Variants in TBC1D10B observed in about 807,000 individuals in gnomAD.
TBC1D10B encodes TBC1 domain family member 10B, also known as Rab27A-GAPbeta.
TBC1D10B carries 25 observed loss-of-function variants against 78.4 expected under a neutral mutation model. The ratio of observed to expected loss-of-function variants is 0.32; its 90% CI spans 0.23 to 0.45. The LOEUF is 0.45. Ranked by LOEUF, TBC1D10B falls within the 20% of genes least tolerant of loss-of-function variation. TBC1D10B has a pLI of 1.00. For missense variants in TBC1D10B, 996 were observed against 1,104.8 expected (o/e 0.90, Z 1.40); for synonymous variants, 517 against 478.0 (o/e 1.08, Z -1.06).
chr16:30,365,508 C>T lies in TBC1D10B; in HGVS notation c.1043G>A (p.Arg348Gln), dbSNP rs753321016. The T allele has an allele frequency of 4.3e-6, 7 of 1,614,022 alleles. No homozygotes were observed. In the Admixed American group the frequency reaches 6.7e-5, roughly 15 times the overall value. ...MFSNWDKWLS[R>Q]RFQKVKLRCR... ...CAGCCCTCAAACCTTCTGGAATCGC[C>T]GTGACAGCCACTTATCCCAGTTACT... The change falls in exon 2 of 9, where the codon CGG becomes CAG. Residue 348 changes from arginine to glutamine, a missense_variant. Physicochemically the swap from Arg to Gln is conservative, Grantham distance 43. This residue lies in a region of TBC1D10B where 93 missense variants were observed against 152.7 expected (regional missense o/e 0.61). Transcript: ENST00000409939. This position sits in a 1 kb window ranked among gnomAD's most constrained non-coding sequence, Gnocchi z 5.0.
At chr16:30,360,638 C>T (rs921122608) in intron 4 of TBC1D10B, among the ~76,000 whole-genome samples, 2 of 152,196 alleles carry the variant, frequency 1.3e-5, no homozygotes, top group East Asian at 3.8e-4. Flanking sequence ...CTGCATACCA[C>T]CCTACTATTT....
intron 7 of TBC1D10B, 49 bp downstream of exon 7, chr16:30,359,123 C>T: frequency 6.4e-7 from 1 of 1,550,744 alleles, no homozygotes; most frequent in Non-Finnish European, 8.7e-7. Flanking sequence ...CCCCTGGTAG[C>T]CACCACAGAA....
At chr16:30,360,133 C>A in intron 4 of TBC1D10B, 1 of 360,456 alleles carries the variant, frequency 2.8e-6, no homozygotes, top group Non-Finnish European at 5.2e-6. Context: ...CTCCAGGAAG[C>A]TTTCCACAGC....
chr16:30,358,940 C>A, intron 7 of TBC1D10B, 123 bp from the exon 8 acceptor site: 2 of 1,334,152 alleles, frequency 1.5e-6, no homozygotes, highest in East Asian at 2.5e-5. Flanking sequence ...GAAACTGAGG[C>A]CCTGTGAAAG....
chr16:30,357,972 G>A lies in TBC1D10B; in HGVS notation c.2399C>T (p.Ala800Val). The A allele has an allele frequency of 6.4e-7, 1 of 1,551,502 alleles. No homozygotes were observed. The highest frequency in any genetic ancestry group is 8.7e-7 in the Non-Finnish European group (1 of 1,146,922). ...GPHDGGDRPS[A>V]EARQDAYF The stretch of plus-strand genomic sequence containing the variant: ...GAAGTAAGCGTCCTGCCGGGCCTCG[G>A]CTGAGGGCCTGTCCCCACCATCATG... Residue 800 changes from alanine (A) to valine (V), a missense_variant, in exon 9 of 9, where the codon GCC becomes GTC. Physicochemically the swap from Ala to Val is moderately conservative, Grantham distance 64. This residue lies in a region of TBC1D10B where 285 missense variants were observed against 252.5 expected (regional missense o/e 1.13). Transcript: ENST00000409939.
rs549787129 is a variant in TBC1D10B, at chr16:30,359,847, G to A, written c.1272-6C>T. 17 of 1,555,922 alleles carry A rather than the reference G, an allele frequency of 1.1e-5. No individual in the cohort carries two copies. In the East Asian group the frequency reaches 2.2e-4, roughly 20 times the overall value. On this transcript the variant is annotated splice_region_variant and splice_polypyrimidine_tract_variant and intron_variant, in intron 4 of 8. Transcript: ENST00000409939. The stretch of plus-strand genomic sequence containing the variant: ...TTCGGTACAGGTCCTGTTGCCTGTG[G>A]GGGTTGGGGAAGACTGTGAGGGCAG...
Position 30,365,818 on chromosome 16 carries a change from C to T in TBC1D10B, c.957-224G>A. Reference sequence around the variant, plus strand: ...CAGAGGTCATATTTAAATCTCACTTCTGACACATCCAAATCTGGGGAGAGA... The same window carrying T: ...CAGAGGTCATATTTAAATCTCACTTTTGACACATCCAAATCTGGGGAGAGA... On this transcript the variant is annotated intron_variant, in intron 1 of 8. Transcript: ENST00000409939. This position sits in a 1 kb window ranked among gnomAD's most constrained non-coding sequence, Gnocchi z 5.0. 1 of 529,394 alleles carries T rather than the reference C, an allele frequency of 1.9e-6. No homozygotes were observed. The highest frequency in any genetic ancestry group is 2.2e-5 in the South Asian group (1 of 46,288). The allele number at this position is 529,394 out of a possible 1,614,324, so 32.8% of individuals were successfully genotyped here.
chr16:30,364,606 A>G (rs1436016801), intron 4 of TBC1D10B, among the ~76,000 whole-genome samples: 1 of 151,796 alleles, frequency 6.6e-6, no homozygotes, highest in East Asian at 1.9e-4. Flanking sequence ...CTTTTCCATA[A>G]CCCCCAGGCA....
chr16:30,362,257 T>G (rs2049604638), intron 4 of TBC1D10B, among the ~76,000 whole-genome samples: 2 of 152,172 alleles, frequency 1.3e-5, no homozygotes, highest in South Asian at 4.1e-4. Context: ...AGTGCTGGGA[T>G]TACAGGTGTG....
chr16:30,365,772 C>T lies in TBC1D10B; in HGVS notation c.957-178G>A. On this transcript the variant is annotated intron_variant, in intron 1 of 8. Transcript: ENST00000409939. This position sits in a 1 kb window ranked among gnomAD's most constrained non-coding sequence, Gnocchi z 5.0. ...TCCCAAGGCACACTGAAAGGGCTTCCTTCCCTGATGGATCTCTATTCAGAG... is the reference window on the plus strand; with the variant it reads ...TCCCAAGGCACACTGAAAGGGCTTCTTTCCCTGATGGATCTCTATTCAGAG... 1 of 600,504 alleles carries T rather than the reference C, an allele frequency of 1.7e-6. No individual in the cohort carries two copies. Among genetic ancestry groups the T allele is most frequent in the Non-Finnish European group, 3.0e-6 (1 of 334,392 alleles). 37.2% of individuals were successfully genotyped at this position (600,504 alleles called of 1,614,324 possible). A position where few individuals can be genotyped will look rare whatever the true frequency, so the allele number is the denominator to read the frequency against.
At position 30,357,760 on chromosome 16, in the gene TBC1D10B, C is replaced by G. The variant is rs1596982431; in HGVS notation, c.*184G>C. 2 of 805,710 alleles carry G rather than the reference C, an allele frequency of 2.5e-6. No homozygotes were observed. Among genetic ancestry groups the G allele is most frequent in the East Asian group, 5.4e-5 (2 of 37,216 alleles). 49.9% of individuals were successfully genotyped at this position (805,710 alleles called of 1,614,324 possible). ...CATGGGAGATGAGAGGCTCCAGACT[C>G]ATTTGCAGCTGCCCATCTGTCCTGC... On this transcript the variant is annotated 3_prime_UTR_variant, in exon 9 of 9. Transcript: ENST00000409939.
rs781225462 is a variant in TBC1D10B at position 30,358,167 on chromosome 16, C to T, written c.2204G>A (p.Arg735Gln). 3.1e-5 allele frequency: 48 copies of T among 1,551,730 alleles called. No individual in the cohort carries two copies. Among genetic ancestry groups the T allele is most frequent in the East Asian group, 4.9e-5 (2 of 40,932 alleles). Residue 735 changes from arginine (R) to glutamine (Q), a missense_variant, in exon 9 of 9, where the codon CGG becomes CAG. Transcript: ENST00000409939. ...CTCCCGCTCCTTCTCCTGTTTCTGC[C>T]GCTCCTTCTCCTGTTTCTGCCGCTC... ...EKERQKQEKE[R>Q]QKQEKEREKE...
intron 4 of TBC1D10B, among the ~76,000 whole-genome samples, chr16:30,364,370 G>A (rs926547096): frequency 3.9e-5 from 6 of 151,986 alleles, no homozygotes; most frequent in African/African-American, 1.2e-4. Flanking sequence ...GTACCTGGGA[G>A]GCAGAGGTTG....
rs549120802 is a variant in TBC1D10B, at chr16:30,358,147, G to A, written c.2224C>T (p.Arg742Trp). 54 of 1,549,582 alleles carry A rather than the reference G, an allele frequency of 3.5e-5. No individual in the cohort carries two copies. In the Middle Eastern group the frequency reaches 1.3e-3, roughly 38 times the overall value. ...TCCTGCTTCTGCCGCTCCTTCTCCC[G>A]CTCCTTCTCCTGTTTCTGCCGCTCC... is the stretch of plus-strand genomic sequence containing the variant. ...EKERQKQEKE[R>W]EKERQKQEKE... Residue 742 changes from arginine (R) to tryptophan (W), a missense_variant, in exon 9 of 9, where the codon CGG (arginine) becomes TGG (tryptophan). By Grantham distance (101) the Arg-to-Trp change is moderately radical (BLOSUM62 -3). Transcript: ENST00000409939.
chr16:30,369,457 A>G lies in TBC1D10B; in HGVS notation c.727T>C (p.Ser243Pro), dbSNP rs2049665915. The change falls in exon 1 of 9, where the codon TCT becomes CCT. Residue 243 changes from serine to proline, a missense_variant. Physicochemically the swap from Ser to Pro is moderately conservative, Grantham distance 74. This residue lies in a region of TBC1D10B where 448 missense variants were observed against 442.1 expected (regional missense o/e 1.01). Transcript: ENST00000409939. The surrounding 1 kb of genome is among the most constrained non-coding windows in gnomAD (Gnocchi z 4.3). ...VTPAPEPAEN[S>P]QDLGSTSSLG... ...CTGGACGTGGAGCCCAGGTCTTGAG[A>G]GTTTTCAGCAGGCTCCGGAGCTGGG... The G allele has an allele frequency of 6.4e-7, 1 of 1,552,464 alleles. No individual in the cohort carries two copies. Among genetic ancestry groups the G allele is most frequent in the East Asian group, 2.4e-5 (1 of 40,968 alleles).
chr16:30,365,390 A>T lies in TBC1D10B; in HGVS notation c.1056+105T>A. The T allele has an allele frequency of 1.1e-5, 15 of 1,397,314 alleles. No homozygotes were observed. The highest frequency in any genetic ancestry group is 1.5e-5 in the Non-Finnish European group (15 of 985,312). The allele number at this position is 1,397,314 out of a possible 1,614,324, so 86.6% of individuals were successfully genotyped here. On this transcript the variant is annotated intron_variant, in intron 2 of 8. Transcript: ENST00000409939. The surrounding 1 kb of genome is among the most constrained non-coding windows in gnomAD (Gnocchi z 5.0). ...CCCCCGCCAGGGCCCATCTATCCCC[A>T]GTGTGGTCCAGAGGGCAGATATTAT...
rs1228118228 is a variant in TBC1D10B at position 30,369,522 on chromosome 16, G to A, written c.662C>T (p.Ser221Phe). The A allele has an allele frequency of 6.4e-7, 1 of 1,550,784 alleles. No homozygotes were observed. ...AGCTACCGGAGCCTCACAAGTCCCA[G>A]AGGGGCCTGTGCCAGGGCCTGAGGG... ...EDPSGPGTGP[S>F]GTCEAPVAVV... The change falls in exon 1 of 9, where the codon TCT becomes TTT. Residue 221 changes from serine (S) to phenylalanine (F), a missense_variant. Transcript: ENST00000409939. This position sits in a 1 kb window ranked among gnomAD's most constrained non-coding sequence, Gnocchi z 4.3.
In TBC1D10B at chr16:30,370,180, C is replaced by G; in HGVS notation, c.4G>C (p.Glu2Gln). The change falls in exon 1 of 9, where the codon GAG (glutamate) becomes CAG (glutamine). Residue 2 changes from glutamate to glutamine, a missense_variant. Coordinates refer to ENST00000409939, the MANE Select transcript of TBC1D10B (RefSeq NM_015527.4). The part of the protein sequence containing the change: M[E>Q]TGTAPLVAPP... ...GCCACCAGGGGCGCCGTGCCCGTCT[C>G]CATGGCCGCGGGCCGCCCCTCACAT... 1 of 1,167,868 alleles carries G rather than the reference C, an allele frequency of 8.6e-7. No homozygotes were observed. Among genetic ancestry groups the G allele is most frequent in the Non-Finnish European group, 1.1e-6 (1 of 946,616 alleles). 72.3% of individuals were successfully genotyped at this position (1,167,868 alleles called of 1,614,324 possible).
At chr16:30,367,988 G>A (rs2049649915) in intron 1 of TBC1D10B, 1 of 152,198 alleles carries the variant, frequency 6.6e-6, no homozygotes, top group Admixed American at 6.5e-5. Flanking sequence ...CTATTGAGGA[G>A]AGAGCCACTG....
Sources: allele counts gnomAD v4.1 joint callset (sites outside exome capture counted in the v4.1 genomes callset), GRCh38; gene constraint gnomAD v4.1.1; regional missense constraint gnomAD v4.1.1; non-coding constraint Gnocchi (gnomAD v3.1); transcripts MANE v1.5; gene names NCBI Gene and HGNC (gene_info 2026-07-23, HGNC 2026-07-21).